NTRK2: variants seen among roughly 807,000 people sequenced by gnomAD.
NTRK2 encodes BDNF/NT-3 growth factors receptor.
In NTRK2, 13 loss-of-function variants were observed where a neutral mutation model predicts 94.5. The ratio of observed to expected loss-of-function variants is 0.14; its 90% CI spans 0.09 to 0.22. NTRK2 has a LOEUF of 0.22. Among genes scored for constraint, NTRK2 ranks in the 10% least tolerant of loss-of-function variants. NTRK2 has a pLI of 1.00. For missense variants in NTRK2, 639 were observed against 1,071.2 expected (o/e 0.60, Z 5.63); for synonymous variants, 372 against 407.4 (o/e 0.91, Z 1.05).
chr9:84,798,558 T>TA (rs2069925301), intron 12 of NTRK2, among the ~76,000 whole-genome samples: 1 of 152,176 alleles, frequency 6.6e-6, no homozygotes, highest in South Asian at 2.1e-4. Flanking sequence ...CTCAGAAACT[T>TA]ACCTTCCTTA....
At chr9:84,862,999 T>A (rs2075403712) in intron 13 of NTRK2, among the ~76,000 whole-genome samples, 1 of 152,062 alleles carries the variant, frequency 6.6e-6, no homozygotes, top group Non-Finnish European at 1.5e-5. Context: ...TGGTTTGCAT[T>A]TGAAAGGCAT....
intron 14 of NTRK2, among the ~76,000 whole-genome samples, chr9:84,867,650 A>G (rs937164500): frequency 3.3e-5 from 5 of 152,172 alleles, no homozygotes; most frequent in African/African-American, 1.2e-4. Flanking sequence ...GTGGGCAGAT[A>G]CTGACTCTCT....
intron 9 of NTRK2, among the ~76,000 whole-genome samples, chr9:84,734,326 C>T (rs758606788): frequency 1.3e-4 from 20 of 152,308 alleles, no homozygotes; most frequent in South Asian, 6.2e-4. Context: ...GCGAACATTC[C>T]CCACCTCCCT....
chr9:84,852,666 T>G (rs143790972), intron 12 of NTRK2, among the ~76,000 whole-genome samples: 161 of 152,324 alleles, frequency 1.1e-3, no homozygotes, highest in African/African-American at 3.8e-3. Context: ...AACTCAGTGT[T>G]GTATGTAGTT....
intron 6 of NTRK2, among the ~76,000 whole-genome samples, chr9:84,712,481 A>G (rs1332898125): frequency 1.3e-5 from 2 of 152,156 alleles, no homozygotes; most frequent in Non-Finnish European, 2.9e-5. Context: ...GGCTCAATTG[A>G]TCGATTAGGA....
At chr9:84,688,228 G>A (rs754344135) in intron 2 of NTRK2, among the ~76,000 whole-genome samples, 1 of 152,232 alleles carries the variant, frequency 6.6e-6, no homozygotes, top group Non-Finnish European at 1.5e-5. Flanking sequence ...GGAGAACAGA[G>A]TGATGGACTC....
intron 9 of NTRK2, among the ~76,000 whole-genome samples, chr9:84,732,559 C>T (rs1250509725): frequency 6.6e-6 from 1 of 152,168 alleles, no homozygotes; most frequent in Non-Finnish European, 1.5e-5. Flanking sequence ...TTTTCAGCTG[C>T]AGATAGAATC....
At chr9:84,794,322 G>A (rs1213765940) in intron 12 of NTRK2, among the ~76,000 whole-genome samples, 1 of 152,216 alleles carries the variant, frequency 6.6e-6, no homozygotes, top group Non-Finnish European at 1.5e-5. Context: ...GGCCGTTGGT[G>A]CATTTGCTTA....
Position 84,860,969 on chromosome 9 carries a change from G to A in NTRK2, c.1397-71G>A, listed in dbSNP as rs979038746. The A allele has an allele frequency of 7.5e-6, 8 of 1,064,368 alleles. No individual in the cohort carries two copies. In the Admixed American group the frequency reaches 8.8e-5, roughly 12 times the overall value. The allele number at this position is 1,064,368 out of a possible 1,614,324, so 65.9% of individuals were successfully genotyped here. Reference sequence around the variant, plus strand: ...GGAGTTTGTTGCATTATTTGACCAAGGACAGTGTTGACCACCTCCGGTTTC... The same window carrying A: ...GGAGTTTGTTGCATTATTTGACCAAAGACAGTGTTGACCACCTCCGGTTTC... On this transcript the variant is annotated intron_variant, in intron 12 of 18. Coordinates refer to ENST00000277120, the MANE Select transcript of NTRK2 (RefSeq NM_006180.6).
intron 14 of NTRK2, among the ~76,000 whole-genome samples, chr9:84,908,115 A>C (rs1407129031): frequency 6.6e-6 from 1 of 152,234 alleles, no homozygotes; most frequent in Non-Finnish European, 1.5e-5. Flanking sequence ...AAACAAAAAC[A>C]AGCTCCCTCT....
At chr9:84,924,314 A>G (rs1308407324) in intron 14 of NTRK2, among the ~76,000 whole-genome samples, 1 of 152,150 alleles carries the variant, frequency 6.6e-6, no homozygotes, top group Non-Finnish European at 1.5e-5. Flanking sequence ...AAGGAGGTTT[A>G]TGCACACAGT....
At chr9:84,920,312 C>G (rs2077522484) in intron 14 of NTRK2, among the ~76,000 whole-genome samples, 2 of 152,184 alleles carry the variant, frequency 1.3e-5, no homozygotes, top group Admixed American at 6.5e-5. Context: ...TCCTCACTTT[C>G]TTTGCAGATG....
At chr9:84,946,978 CAG>C (rs2078619102) in intron 15 of NTRK2, among the ~76,000 whole-genome samples, 1 of 152,074 alleles carries the variant, frequency 6.6e-6, no homozygotes, top group Non-Finnish European at 1.5e-5. Flanking sequence ...TATTTGGAGA[CAG>C]AGTCTCGCTC....
At chr9:84,747,541 G>A (rs1168031903) in intron 11 of NTRK2, among the ~76,000 whole-genome samples, 1 of 142,806 alleles carries the variant, frequency 7.0e-6, no homozygotes, top group Non-Finnish European at 1.5e-5. Context: ...GCAGTGGCAC[G>A]ATCTCGGCTC....
At chr9:84,795,519 A>G (rs1663339651) in intron 12 of NTRK2, among the ~76,000 whole-genome samples, 1 of 152,068 alleles carries the variant, frequency 6.6e-6, no homozygotes, top group Admixed American at 6.5e-5. Flanking sequence ...TTTCACTGGC[A>G]CTGAGAAGAG....
intron 12 of NTRK2, among the ~76,000 whole-genome samples, chr9:84,848,797 C>T (rs1275552303): frequency 1.3e-5 from 2 of 152,120 alleles, no homozygotes; most frequent in African/African-American, 2.4e-5. Flanking sequence ...AATTGGTAAA[C>T]TCTAGTACAT....
intron 13 of NTRK2, among the ~76,000 whole-genome samples, chr9:84,864,886 G>A (rs182968966): frequency 2.6e-5 from 4 of 151,852 alleles, no homozygotes; most frequent in African/African-American, 7.2e-5. Flanking sequence ...GATTACAGGT[G>A]CACGCCACCA....
At chr9:84,712,307 G>A (rs181301829) in intron 6 of NTRK2, among the ~76,000 whole-genome samples, 13 of 152,290 alleles carry the variant, frequency 8.5e-5, no homozygotes, top group African/African-American at 2.6e-4. Flanking sequence ...GTTATTGCTC[G>A]GCCATTGTGA....
intron 14 of NTRK2, among the ~76,000 whole-genome samples, chr9:84,890,279 G>A (rs1041841621): frequency 1.3e-5 from 2 of 152,192 alleles, no homozygotes; most frequent in African/African-American, 4.8e-5. Context: ...GGTGACAGCA[G>A]GTCCATGGGT....
Sources: allele counts gnomAD v4.1 joint callset (sites outside exome capture counted in the v4.1 genomes callset), GRCh38; gene constraint gnomAD v4.1.1; transcripts MANE v1.5; gene names NCBI Gene and HGNC (gene_info 2026-07-23, HGNC 2026-07-21).